Variants in MYH2 observed in about 807,000 individuals in gnomAD.
MYH2 encodes myosin-2.
Under a neutral mutation model 228.1 loss-of-function variants are expected in MYH2, and 139 were observed. That is an observed-to-expected ratio of 0.61 (90% CI 0.53 to 0.70). The LOEUF is 0.70. Among genes scored for constraint, MYH2 ranks in the 30% least tolerant of loss-of-function variants. The probability of loss-of-function intolerance (pLI) is 0.00; values close to 1 mark genes in which losing one functional copy is unlikely to be tolerated. For missense variants in MYH2, 1,809 were observed against 2,357.5 expected (o/e 0.77, Z 4.82); for synonymous variants, 796 against 871.1 (o/e 0.91, Z 1.52).
chr17:10,548,978 G>C (rs1050778437), intron 2 of MYH2, among the ~76,000 whole-genome samples: 3 of 152,170 alleles, frequency 2.0e-5, no homozygotes, highest in African/African-American at 7.2e-5. Context: ...TTTTACAAGG[G>C]CTTTAAGAAG....
rs1350545511 is a variant in MYH2, at chr17:10,521,369, C to A, written c.5737G>T (p.Glu1913Ter). Residue 1913 changes from glutamate (E) to a stop codon, truncating the protein, a stop_gained, in exon 40 of 40, where the codon GAG becomes TAG. Coordinates refer to ENST00000245503, the MANE Select transcript of MYH2 (RefSeq NM_017534.6). LOFTEE classifies it high-confidence loss of function. ...GACTCAGCAATGTCAGCCCGTTCCT[C>A]GGCCTCCTCCAGCTCATGCTGGAGC... ...RKLQHELEEA[E>*]ERADIAESQV... 1 of 1,614,130 alleles carries A rather than the reference C, an allele frequency of 6.2e-7. No individual in the cohort carries two copies.
At chr17:10,533,132 C>T (rs2073443467) in intron 21 of MYH2, among the ~76,000 whole-genome samples, 153 bp downstream of exon 21, 1 of 152,166 alleles carries the variant, frequency 6.6e-6, no homozygotes. Flanking sequence ...TGGTTCCTTC[C>T]TTAAGTTTTC....
chr17:10,534,950 T>C, intron 19 of MYH2, 123 bp downstream of exon 19: 2 of 1,242,210 alleles, frequency 1.6e-6, no homozygotes, highest in Admixed American at 1.7e-5. Context: ...AGACTTGTAA[T>C]TTTTTTACTT....
intron 30 of MYH2, 27 bp downstream of exon 30, chr17:10,526,572 C>G: frequency 1.9e-6 from 3 of 1,612,366 alleles, no homozygotes; most frequent in Non-Finnish European, 2.5e-6. Context: ...AAGTTTTCTG[C>G]TCATTCTCTC....
intron 27 of MYH2, among the ~76,000 whole-genome samples, 172 bp from the exon 28 acceptor site, chr17:10,528,046 T>TC (rs1235547594): frequency 7.4e-6 from 1 of 135,760 alleles, no homozygotes; most frequent in African/African-American, 2.6e-5. Context: ...TTTCTTTCTT[T>TC]CTTTTTTTTT....
intron 10 of MYH2, among the ~76,000 whole-genome samples, chr17:10,541,694 T>G (rs1399538519): frequency 1.3e-5 from 2 of 152,336 alleles, no homozygotes; most frequent in South Asian, 2.1e-4. Flanking sequence ...GTTTTGTGGC[T>G]TGGGGGGCAT....
At position 10,524,880 on chromosome 17, in the gene MYH2, A is replaced by G; in HGVS notation, c.4848T>C (p.Asp1616=). 1 of 1,614,088 alleles carries G rather than the reference A, an allele frequency of 6.2e-7. No homozygotes were observed. Among genetic ancestry groups the G allele is most frequent in the Non-Finnish European group, 8.5e-7 (1 of 1,180,032 alleles). Residue 1616 remains aspartate (D), a synonymous_variant, in exon 34 of 40, where the codon GAT becomes GAC. Transcript: ENST00000245503. This position sits in a 1 kb window ranked among gnomAD's most constrained non-coding sequence, Gnocchi z 4.7. The part of the protein sequence containing the change: ...TLDAEIRSRN[D]AIRLKKKMEG... Reference sequence around the variant, plus strand: ...CCATCTTCTTCTTGAGCCTAATGGCATCATTCCTACTCCTGATCTCAGCAT... The same window carrying G: ...CCATCTTCTTCTTGAGCCTAATGGCGTCATTCCTACTCCTGATCTCAGCAT...
rs1382564964 is a variant in MYH2, at chr17:10,524,681, A to C, written c.4972-12T>G. The C allele has an allele frequency of 3.1e-6, 5 of 1,614,060 alleles. No individual in the cohort carries two copies. The highest frequency in any genetic ancestry group is 4.2e-6 in the Non-Finnish European group (5 of 1,180,048). On this transcript the variant is annotated splice_polypyrimidine_tract_variant and intron_variant, in intron 34 of 39. Coordinates refer to ENST00000245503, the MANE Select transcript of MYH2 (RefSeq NM_017534.6). This position sits in a 1 kb window ranked among gnomAD's most constrained non-coding sequence, Gnocchi z 4.7. Reference sequence around the variant, plus strand: ...TGGATCTGGGTATCCTGTGAAACAAACCATCATTGAGACATCATGTTCTCA... The same window carrying C: ...TGGATCTGGGTATCCTGTGAAACAACCCATCATTGAGACATCATGTTCTCA...
At chr17:10,540,803 A>T in intron 10 of MYH2, 106 bp from the exon 11 acceptor site, 1 of 956,744 alleles carries the variant, frequency 1.0e-6, no homozygotes, top group Non-Finnish European at 1.6e-6. Flanking sequence ...GAACTCAGGG[A>T]CCCCAAATAG....
At chr17:10,522,969 T>C (rs1251741168) in intron 39 of MYH2, 121 bp downstream of exon 39, 3 of 709,250 alleles carry the variant, frequency 4.2e-6, no homozygotes, top group Non-Finnish European at 7.5e-6. Context: ...CAAGAATTAT[T>C]GTACAAAAAC....
At chr17:10,547,119 T>G (rs1288823895) in intron 4 of MYH2, among the ~76,000 whole-genome samples, 1 of 152,118 alleles carries the variant, frequency 6.6e-6, no homozygotes, top group Non-Finnish European at 1.5e-5. Context: ...TTTAAAGTGT[T>G]AAAACATGTT....
Position 10,533,628 on chromosome 17 carries a change from T to C in MYH2, c.2185A>G (p.Lys729Glu). 1 of 1,614,150 alleles carries C rather than the reference T, an allele frequency of 6.2e-7. No individual in the cohort carries two copies. The highest frequency in any genetic ancestry group is 8.5e-7 in the Non-Finnish European group (1 of 1,179,952). Reference protein sequence around the residue: ...ILYADFKQRYKVLNASAIPEG... With the variant: ...ILYADFKQRYEVLNASAIPEG... ...GGGATTGCACTTGCATTTAATACCT[T>C]GTATCTGTTGAAGTACATATAGCTT... The change falls in exon 20 of 40, where the codon AAG becomes GAG. Residue 729 changes from lysine (K) to glutamate (E), a missense_variant. This residue lies in a region of MYH2 where 276 missense variants were observed against 344.2 expected (regional missense o/e 0.80). Coordinates refer to ENST00000245503, the MANE Select transcript of MYH2 (RefSeq NM_017534.6).
At position 10,528,019 on chromosome 17, in the gene MYH2, T is replaced by C. The variant is rs915062981; in HGVS notation, c.3745-145A>G. ...AGAAACCAAATTATCTTATATGTAA[T>C]GTAATGCAGAAAAATTTTTCTTTCT... On this transcript the variant is annotated intron_variant, in intron 27 of 39. Transcript: ENST00000245503. The C allele has an allele frequency of 1.5e-4, 143 of 980,702 alleles. 1 individual carries two copies. Among genetic ancestry groups the C allele is most frequent in the Non-Finnish European group, 4.8e-5 (33 of 687,532 alleles). 60.8% of individuals were successfully genotyped at this position (980,702 alleles called of 1,614,324 possible).
intron 19 of MYH2, 45 bp from the exon 20 acceptor site, chr17:10,533,677 A>T (rs374009418): frequency 2.5e-6 from 4 of 1,601,842 alleles, no homozygotes; most frequent in Non-Finnish European, 3.4e-6. Flanking sequence ...TACTGATGAC[A>T]CAAATGCTAG....
In MYH2 at chr17:10,547,916, C is replaced by G; in HGVS notation, c.5G>C (p.Ser2Thr). 6.2e-7 allele frequency: 1 copy of G among 1,614,158 alleles called. No individual in the cohort carries two copies. The highest frequency in any genetic ancestry group is 8.5e-7 in the Non-Finnish European group (1 of 1,180,018). ...AAAAACAGCCAATTCTGAGTCTGAA[C>G]TCATGGCTGCTGAACTCAGAGGTCC... MSSDSELAVFGE... is the reference protein window; with the variant it reads MTSDSELAVFGE... The change falls in exon 3 of 40, where the codon AGT (serine) becomes ACT (threonine). Residue 2 changes from serine to threonine, a missense_variant. This residue lies in a region of MYH2 where 84 missense variants were observed against 81.8 expected (regional missense o/e 1.03). Coordinates refer to ENST00000245503, the MANE Select transcript of MYH2 (RefSeq NM_017534.6).
intron 17 of MYH2, among the ~76,000 whole-genome samples, chr17:10,536,134 T>C (rs1287091492): frequency 2.0e-5 from 3 of 152,188 alleles, no homozygotes; most frequent in Non-Finnish European, 4.4e-5. Context: ...ACAGAGTCAC[T>C]AGTTACTATC....
At position 10,529,703 on chromosome 17, in the gene MYH2, T is replaced by C; in HGVS notation, c.2978A>G (p.Glu993Gly). The C allele has an allele frequency of 6.2e-7, 1 of 1,614,018 alleles. No individual in the cohort carries two copies. Among genetic ancestry groups the C allele is most frequent in the Non-Finnish European group, 8.5e-7 (1 of 1,180,046 alleles). Residue 993 changes from glutamate to glycine, a missense_variant, in exon 24 of 40, where the codon GAA becomes GGA. Physicochemically the swap from Glu to Gly is moderately conservative, Grantham distance 98. This residue lies in a region of MYH2 where 636 missense variants were observed against 729.9 expected (regional missense o/e 0.87). Transcript: ENST00000245503. The stretch of plus-strand genomic sequence containing the variant: ...CTCCTTGGTCAGCTTAGCAATGGTT[T>C]CATCCAGACCTGCCATCTCTTCTGT... ...NLTEEMAGLD[E>G]TIAKLTKEKK...
chr17:10,524,387 C>A lies in MYH2; in HGVS notation c.5175+79G>T. ...AATTTGATAGACATATTAGGTCTAG[C>A]TGTCTTATGAAAACTCAGGCTTATC... On this transcript the variant is annotated intron_variant, in intron 35 of 39. Transcript: ENST00000245503. This position sits in a 1 kb window ranked among gnomAD's most constrained non-coding sequence, Gnocchi z 4.7. 2 of 1,563,260 alleles carry A rather than the reference C, an allele frequency of 1.3e-6. No individual in the cohort carries two copies. The highest frequency in any genetic ancestry group is 1.8e-6 in the Non-Finnish European group (2 of 1,133,752).
In MYH2 at chr17:10,524,985, T is replaced by C. The variant is rs1267908976; in HGVS notation, c.4743A>G (p.Lys1581=). The change falls in exon 34 of 40, where the codon AAA becomes AAG. Residue 1581 remains lysine (K), a synonymous_variant. Coordinates refer to ENST00000245503, the MANE Select transcript of MYH2 (RefSeq NM_017534.6). The surrounding 1 kb of genome is among the most constrained non-coding windows in gnomAD (Gnocchi z 4.7). ...CAATTTCCTCATCTTTTTCAGCAAT[T>C]TTCCTATCAACCTCAGACTTGACTT... is the stretch of plus-strand genomic sequence containing the variant. ...LNQVKSEVDR[K]IAEKDEEIDQ... The C allele has an allele frequency of 5.0e-6, 8 of 1,614,102 alleles. No homozygotes were observed. The highest frequency in any genetic ancestry group is 6.8e-6 in the Non-Finnish European group (8 of 1,180,010).
Sources: gnomAD v4.1 joint callset for allele counts (sites outside exome capture counted in the v4.1 genomes callset) on GRCh38, gnomAD v4.1.1 for gene constraint, gnomAD v4.1.1 regional missense constraint, Gnocchi (gnomAD v3.1) non-coding constraint, MANE v1.5 for transcripts, NCBI Gene and HGNC (gene_info 2026-07-23, HGNC 2026-07-21) for gene names.